The following TCF25 variants were observed in gnomAD, a reference collection of about 807,000 sequenced individuals.
TCF25 encodes the protein TCF25 ribosome quality control complex subunit.
TCF25 carries 41 observed loss-of-function variants against 83.1 expected under a neutral mutation model. That is an observed-to-expected ratio of 0.49 (90% CI 0.38 to 0.64). The LOEUF (loss-of-function observed/expected upper bound fraction) is 0.64, where lower values mean the gene tolerates loss of function less well. Ranked by LOEUF, TCF25 falls within the 30% of genes least tolerant of loss-of-function variation. TCF25 has a pLI of 0.00. For missense variants in TCF25, 979 were observed against 914.5 expected (o/e 1.07, Z -0.91); for synonymous variants, 458 against 365.0 (o/e 1.25, Z -2.90).
At chr16:89,895,238 C>T in intron 8 of TCF25, 101 bp downstream of exon 8, 2 of 1,075,668 alleles carry the variant, frequency 1.9e-6, no homozygotes, top group Non-Finnish European at 2.7e-6. Context: ...CCAGGATATC[C>T]ATGACAGCTT....
Position 89,905,062 on chromosome 16 carries a change from G to T in TCF25, c.1594G>T (p.Ala532Ser). The change falls in exon 14 of 18, where the codon GCC becomes TCC. Residue 532 changes from alanine (A) to serine (S), a missense_variant. Coordinates refer to ENST00000263346, the MANE Select transcript of TCF25 (RefSeq NM_014972.3). ...CCACGAGGTTCTGCAAGCAGTGGAC[G>T]CCGGGGACCCAGCCGTGGAAGCCTG... ...NVHEVLQAVD[A>S]GDPAVEACEN... 1 of 1,602,288 alleles carries T rather than the reference G, an allele frequency of 6.2e-7. No homozygotes were observed.
chr16:89,873,941 G>A (rs1035077810), intron 1 of TCF25, 82 bp downstream of exon 1: 167 of 1,431,458 alleles, frequency 1.2e-4, no homozygotes, highest in Non-Finnish European at 1.4e-4. Context: ...GGGTCGGGGA[G>A]CGGGGTTGTG....
At chr16:89,892,518 A>G (rs190791940) in intron 6 of TCF25, among the ~76,000 whole-genome samples, 1 of 152,262 alleles carries the variant, frequency 6.6e-6, no homozygotes, top group Admixed American at 6.5e-5. Flanking sequence ...TGCCACACTG[A>G]GGGCCTGAGT....
chr16:89,898,044 C>G (rs901761274), intron 9 of TCF25, among the ~76,000 whole-genome samples: 8 of 150,590 alleles, frequency 5.3e-5, no homozygotes, highest in African/African-American at 2.0e-4. Flanking sequence ...GCGGAGCTTG[C>G]AATGAGCCGA....
chr16:89,887,849 T>C, intron 5 of TCF25, 132 bp downstream of exon 5: 1 of 768,946 alleles, frequency 1.3e-6, no homozygotes, highest in East Asian at 3.2e-5. Flanking sequence ...ACGTAACCCT[T>C]AGAATTGGGG....
chr16:89,886,102 A>C (rs1311396662), intron 4 of TCF25, 136 bp downstream of exon 4: 1 of 648,516 alleles, frequency 1.5e-6, no homozygotes, highest in Non-Finnish European at 2.7e-6. Context: ...AAAAAAGGAA[A>C]AATAAAATGT....
At chr16:89,873,955 C>T in intron 1 of TCF25, 96 bp downstream of exon 1, 1 of 1,380,990 alleles carries the variant, frequency 7.2e-7, no homozygotes, top group Non-Finnish European at 9.5e-7. Flanking sequence ...GGTTGTGATG[C>T]CAGGGGTGGG....
chr16:89,894,602 A>G (rs1410571280), intron 7 of TCF25, among the ~76,000 whole-genome samples: 6 of 152,228 alleles, frequency 3.9e-5, no homozygotes, highest in Non-Finnish European at 8.8e-5. Flanking sequence ...CAGCTTAGCA[A>G]TAATAACTAG....
rs751824206 is a variant in TCF25 at position 89,873,784 on chromosome 16, C to G, written c.117C>G (p.Pro39=). ...RDDDDAEEEG[P]KRELGVRRPG... is the part of the protein sequence containing the mutation. ...ACGATGACGCGGAAGAAGAAGGGCCCAAGCGGGAGCTTGGTGTCCGGCGTC... is the reference window on the plus strand; with the variant it reads ...ACGATGACGCGGAAGAAGAAGGGCCGAAGCGGGAGCTTGGTGTCCGGCGTC... Residue 39 remains proline (P), a synonymous_variant, in exon 1 of 18, where the codon CCC becomes CCG. Coordinates refer to ENST00000263346, the MANE Select transcript of TCF25 (RefSeq NM_014972.3). 6.2e-7 allele frequency: 1 copy of G among 1,608,132 alleles called. No individual in the cohort carries two copies. The highest frequency in any genetic ancestry group is 8.5e-7 in the Non-Finnish European group (1 of 1,178,170).
At chr16:89,886,511 C>G (rs2043030922) in intron 4 of TCF25, among the ~76,000 whole-genome samples, 1 of 151,952 alleles carries the variant, frequency 6.6e-6, no homozygotes. Flanking sequence ...GCCTGTAATC[C>G]CAGCACTTTG....
intron 1 of TCF25, among the ~76,000 whole-genome samples, chr16:89,877,108 AT>A (rs1376354818): frequency 0.06 from 8,661 of 144,912 alleles, 733 homozygotes; most frequent in African/African-American, 0.2. Flanking sequence ...TCTCAAAAAA[AT>A]AAATAAATAA....
intron 16 of TCF25, chr16:89,910,256 A>C: frequency 2.7e-6 from 1 of 368,992 alleles, no homozygotes; most frequent in Non-Finnish European, 5.1e-6. Flanking sequence ...GTGCTGAAGG[A>C]GACGTTGAAA....
At chr16:89,887,562 C>T (rs1466094740) in intron 4 of TCF25, 90 bp from the exon 5 acceptor site, 1 of 1,287,420 alleles carries the variant, frequency 7.8e-7, no homozygotes, top group Non-Finnish European at 1.0e-6. Flanking sequence ...TCCGTGTTCT[C>T]TCCTTGACTA....
At chr16:89,886,772 A>G (rs1441642263) in intron 4 of TCF25, among the ~76,000 whole-genome samples, 1 of 151,582 alleles carries the variant, frequency 6.6e-6, no homozygotes, top group Non-Finnish European at 1.5e-5. Flanking sequence ...AAAAAAAGAA[A>G]AAAAAAATAC....
intron 9 of TCF25, among the ~76,000 whole-genome samples, chr16:89,898,067 C>T (rs2044001647): frequency 6.6e-6 from 1 of 152,004 alleles, no homozygotes; most frequent in Non-Finnish European, 1.5e-5. Flanking sequence ...CGAGATAGCG[C>T]CACTGCACTC....
intron 9 of TCF25, among the ~76,000 whole-genome samples, chr16:89,897,961 G>A (rs2144169723): frequency 6.6e-6 from 1 of 152,220 alleles, no homozygotes; most frequent in Non-Finnish European, 1.5e-5. Context: ...AAATCAGCTG[G>A]GTGTGGTGGC....
At chr16:89,885,186 T>G (rs1241465923) in intron 3 of TCF25, among the ~76,000 whole-genome samples, 2 of 152,236 alleles carry the variant, frequency 1.3e-5, no homozygotes, top group African/African-American at 2.4e-5. Context: ...CTTAGTATTT[T>G]TATTCCTTCC....
At chr16:89,899,567 A>G (rs1031823210) in intron 11 of TCF25, among the ~76,000 whole-genome samples, 18 of 152,104 alleles carry the variant, frequency 1.2e-4, no homozygotes, top group African/African-American at 3.9e-4. Flanking sequence ...TGTCTCTACT[A>G]AAAATACAAA....
At chr16:89,889,258 G>C in intron 5 of TCF25, 1 of 397,208 alleles carries the variant, frequency 2.5e-6, no homozygotes, top group Non-Finnish European at 4.9e-6. Flanking sequence ...GTCCAGTCTG[G>C]TTTTGAACTC....
Sources: allele counts gnomAD v4.1 joint callset (sites outside exome capture counted in the v4.1 genomes callset), GRCh38; gene constraint gnomAD v4.1.1; transcripts MANE v1.5; gene names NCBI Gene and HGNC (gene_info 2026-07-23, HGNC 2026-07-21).